Variants in SIRT3 observed in about 807,000 individuals in gnomAD.
The protein encoded by SIRT3 is sirtuin 3.
Under a neutral mutation model 33.5 loss-of-function variants are expected in SIRT3, and 26 were observed. That is an observed-to-expected ratio of 0.78 (90% confidence interval 0.57 to 1.08). The LOEUF is 1.08. Among genes scored for constraint, SIRT3 ranks in the 50% least tolerant of loss-of-function variants. The pLI is 0.00. For synonymous variants in SIRT3, 237 were observed against 222.1 expected (o/e 1.07, Z -0.60); for missense variants, 585 against 530.1 (o/e 1.10, Z -1.02).
At chr11:222,439 T>TG (rs1444390986) in intron 5 of SIRT3, 3 of 152,962 alleles carry the variant, frequency 2.0e-5, no homozygotes, top group African/African-American at 7.2e-5. Flanking sequence ...GCCACAGCCC[T>TG]GGGGTCCTTG....
chr11:217,348 G>A (rs1855795602), intron 6 of SIRT3, among the ~76,000 whole-genome samples: 1 of 152,256 alleles, frequency 6.6e-6, no homozygotes, highest in Non-Finnish European at 1.5e-5. Flanking sequence ...TGCTCAGGAG[G>A]CTGAGGCAGG....
intron 4 of SIRT3, among the ~76,000 whole-genome samples, chr11:226,410 T>C (rs1857176846): frequency 6.6e-6 from 1 of 152,060 alleles, no homozygotes; most frequent in African/African-American, 2.4e-5. Flanking sequence ...GAATTTTATT[T>C]TATATTTTAT....
upstream of SIRT3, chr11:236,844 G>A: frequency 3.4e-6 from 2 of 593,618 alleles, no homozygotes; most frequent in East Asian, 5.7e-5. Context: ...TGCGCGGGAA[G>A]TGGGCTGCAA....
intron 3 of SIRT3, 186 bp from the exon 4 acceptor site, chr11:230,738 G>C (rs1405444519): frequency 2.5e-6 from 1 of 398,004 alleles, no homozygotes; most frequent in Non-Finnish European, 4.4e-6. Flanking sequence ...ATAAGGCAGG[G>C]GAGCAAAGGG....
intron 4 of SIRT3, 115 bp downstream of exon 4, chr11:230,337 G>C: frequency 2.2e-6 from 1 of 462,894 alleles, no homozygotes; most frequent in Non-Finnish European, 3.7e-6. Context: ...CAAATAAAAT[G>C]TTTCACACTA....
At position 221,300 on chromosome 11, in the gene SIRT3, G is replaced by A. The variant is rs149173376; in HGVS notation, c.970-2259C>T. Among the ~76,000 whole-genome samples the A allele has an allele frequency of 6.0e-3, 909 of 152,266 alleles. 4 individuals are homozygous for A. Among genetic ancestry groups the A allele is most frequent in the Non-Finnish European group, 8.2e-3 (560 of 68,024 alleles). On this transcript the variant is annotated intron_variant, in intron 5 of 6. Coordinates refer to ENST00000382743, the MANE Select transcript of SIRT3 (RefSeq NM_012239.6). ...CTATCTTTTTATTTTTTGTAGAGAC[G>A]AGGTCTGACTATACTGCCCAGGCTG...
intron 1 of SIRT3, among the ~76,000 whole-genome samples, chr11:235,231 A>G (rs1433411514): frequency 6.6e-6 from 1 of 151,176 alleles, no homozygotes; most frequent in Non-Finnish European, 1.5e-5. Context: ...GGTAGATAAG[A>G]GTCTTGCTCT....
rs765977495 is a variant in SIRT3, at chr11:233,048, C to A, written c.641G>T (p.Arg214Leu). The A allele has an allele frequency of 1.9e-6, 3 of 1,614,094 alleles. No homozygotes were observed. The highest frequency in any genetic ancestry group is 1.7e-6 in the Non-Finnish European group (2 of 1,180,010). ...AAGCAGCCCCTTGTCATGAAGCAGC[C>A]GGAGAAAGTAGTGAGTGACGTTGGG... is the stretch of plus-strand genomic sequence containing the variant. Reference protein sequence around the residue: ...YKPNVTHYFLRLLHDKGLLLR... With the variant: ...YKPNVTHYFLLLLHDKGLLLR... The change falls in exon 3 of 7, where the codon CGG becomes CTG. Residue 214 changes from arginine (R) to leucine (L), a missense_variant. By Grantham distance (102) the Arg-to-Leu change is moderately radical. Coordinates refer to ENST00000382743, the MANE Select transcript of SIRT3 (RefSeq NM_012239.6).
rs1323696164 is a variant in SIRT3, at chr11:223,712, C to T, written c.969+366G>A. On this transcript the variant is annotated intron_variant, in intron 5 of 6. Coordinates refer to ENST00000382743, the MANE Select transcript of SIRT3 (RefSeq NM_012239.6). This position sits in a 1 kb window ranked among gnomAD's most constrained non-coding sequence, Gnocchi z 4.8. Reference sequence around the variant, plus strand: ...GCTTCCCACCTTCCTGTCTCCTGCACAGGCTGCTGCTCCCTCAGCCTGGAA... The same window carrying T: ...GCTTCCCACCTTCCTGTCTCCTGCATAGGCTGCTGCTCCCTCAGCCTGGAA... 1.3e-6 allele frequency: 1 copy of T among 754,478 alleles called. No individual in the cohort carries two copies. Among genetic ancestry groups the T allele is most frequent in the Non-Finnish European group, 2.3e-6 (1 of 430,972 alleles). 46.7% of individuals were successfully genotyped at this position (754,478 alleles called of 1,614,324 possible).
chr11:215,834 A>C lies in SIRT3; in HGVS notation c.*864T>G, dbSNP rs1855588263. The C allele has an allele frequency of 6.6e-6, 1 of 152,032 alleles. No individual in the cohort carries two copies. Among genetic ancestry groups the C allele is most frequent in the African/African-American group, 2.4e-5 (1 of 41,380 alleles). The allele number at this position is 152,032 out of a possible 1,614,324, so 9.4% of individuals were successfully genotyped here. The stretch of plus-strand genomic sequence containing the variant: ...ACTCAGCCTGGGTTTTAAGTGAGTA[A>C]TGCCTTCCCTGTCTCAGAGATTAGC... On this transcript the variant is annotated 3_prime_UTR_variant, in exon 7 of 7. Coordinates refer to ENST00000382743, the MANE Select transcript of SIRT3 (RefSeq NM_012239.6).
rs760195432 is a variant in SIRT3 at position 218,881 on chromosome 11, A to G, written c.1130T>C (p.Leu377Pro). 1 of 1,614,026 alleles carries G rather than the reference A, an allele frequency of 6.2e-7. No homozygotes were observed. The highest frequency in any genetic ancestry group is 1.3e-5 in the African/African-American group (1 of 74,906). ...GTCCCGCATCTCTTCTGTCCAGCCC[A>G]GAAGCTCCACTAGGCTTTCCACGCC... The part of the protein sequence containing the change: ...VHGVESLVEL[L>P]GWTEEMRDLV... The change falls in exon 6 of 7, where the codon CTG (leucine) becomes CCG (proline). Residue 377 changes from leucine (L) to proline (P), a missense_variant. Transcript: ENST00000382743.
rs1859111702 is a variant in SIRT3, at chr11:236,319, A to T, written c.10T>A (p.Trp4Arg). The change falls in exon 1 of 7, where the codon TGG becomes AGG. Residue 4 changes from tryptophan to arginine, a missense_variant. Transcript: ENST00000382743. MAF[W>R]GWRAAAALRL... ...AGGGCTGCCGCGGCGCGCCAACCCC[A>T]GAACGCCATGTTCCGCGCAGTCCAA... 6.6e-7 allele frequency: 1 copy of T among 1,506,468 alleles called. No individual in the cohort carries two copies. The highest frequency in any genetic ancestry group is 2.1e-5 in the Admixed American group (1 of 48,048). The allele number at this position is 1,506,468 out of a possible 1,614,324, so 93.3% of individuals were successfully genotyped here.
chr11:224,342 A>C, intron 4 of SIRT3, 103 bp from the exon 5 acceptor site: 4 of 1,261,900 alleles, frequency 3.2e-6, no homozygotes, highest in Non-Finnish European at 4.4e-6. Context: ...TCCCCCAAAA[A>C]AGGTGAGAGA....
intron 1 of SIRT3, chr11:234,002 G>A (rs1051420782): frequency 6.4e-6 from 1 of 155,322 alleles, no homozygotes; most frequent in Non-Finnish European, 1.4e-5. Flanking sequence ...TACTAAACAC[G>A]AACTGTTAAG....
chr11:216,129 C>T lies in SIRT3; in HGVS notation c.*569G>A, dbSNP rs1346651763. The stretch of plus-strand genomic sequence containing the variant: ...GGGTTCCCTTTCCAACTCATGTCAA[C>T]ACCTGCAGTCCCTTTGAGGAGACTA... On this transcript the variant is annotated 3_prime_UTR_variant, in exon 7 of 7. Transcript: ENST00000382743. The T allele has an allele frequency of 6.5e-6, 1 of 152,806 alleles. No individual in the cohort carries two copies. The highest frequency in any genetic ancestry group is 1.5e-5 in the Non-Finnish European group (1 of 68,186). 9.5% of individuals were successfully genotyped at this position (152,806 alleles called of 1,614,324 possible). A position where few individuals can be genotyped will look rare whatever the true frequency, so the allele number is the denominator to read the frequency against.
At chr11:221,922 G>A (rs1029172362) in intron 5 of SIRT3, among the ~76,000 whole-genome samples, 4 of 151,808 alleles carry the variant, frequency 2.6e-5, no homozygotes, top group Admixed American at 2.6e-4. Context: ...AGAGGACACA[G>A]AATAAAATGC....
At chr11:228,660 CTT>C (rs1318298707) in intron 4 of SIRT3, among the ~76,000 whole-genome samples, 1 of 152,116 alleles carries the variant, frequency 6.6e-6, no homozygotes, top group Admixed American at 6.6e-5. Flanking sequence ...CTATAAAACT[CTT>C]ATAAGAAAAC....
chr11:233,622 AC>A, intron 1 of SIRT3, 88 bp from the exon 2 acceptor site: 1 of 1,276,180 alleles, frequency 7.8e-7, no homozygotes, highest in Non-Finnish European at 1.1e-6. Context: ...CCTCTGCACC[AC>A]CGCCACCCTC....
intron 5 of SIRT3, among the ~76,000 whole-genome samples, chr11:220,201 G>C (rs1044411740): frequency 6.6e-6 from 1 of 151,716 alleles, no homozygotes; most frequent in South Asian, 2.1e-4. Context: ...GTGGTGGCAC[G>C]CACCTATAAT....
Sources: allele counts gnomAD v4.1 joint callset (sites outside exome capture counted in the v4.1 genomes callset), GRCh38; gene constraint gnomAD v4.1.1; non-coding constraint Gnocchi (gnomAD v3.1); transcripts MANE v1.5; gene names NCBI Gene and HGNC (gene_info 2026-07-23, HGNC 2026-07-21).